Variants in RANBP2 observed in about 807,000 individuals in gnomAD.
The protein encoded by RANBP2 is E3 SUMO-protein ligase RanBP2.
Under a neutral mutation model 303.6 loss-of-function variants are expected in RANBP2, and 57 were observed. That is an observed-to-expected ratio of 0.19 (90% CI 0.15 to 0.23). The LOEUF is 0.23. RANBP2 is among the 10% of genes least tolerant of loss of function. The pLI is 1.00. For missense variants in RANBP2, 3,138 were observed against 3,780.8 expected (o/e 0.83, Z 4.46); for synonymous variants, 1,167 against 1,301.5 (o/e 0.90, Z 2.23).
chr2:109,101,085 G>T, the RANBP2 span, among the ~76,000 whole-genome samples: 4 of 152,186 alleles, frequency 2.6e-5, no homozygotes, highest in African/African-American at 9.6e-5. Context: ...AACTAGAGGT[G>T]AGTAGAAAGG....
chr2:109,373,745 A>G, the RANBP2 span, among the ~76,000 whole-genome samples: 1 of 152,194 alleles, frequency 6.6e-6, no homozygotes, highest in East Asian at 1.9e-4. Flanking sequence ...AATGGTGTCC[A>G]GTTAAGCTTT....
At chr2:109,063,424 T>A in the RANBP2 span, among the ~76,000 whole-genome samples, 1 of 152,188 alleles carries the variant, frequency 6.6e-6, no homozygotes, top group African/African-American at 2.4e-5. Flanking sequence ...GGCTTTGCTG[T>A]GGCCTTTCCT....
chr2:109,544,036 T>C, the RANBP2 span: 1 of 929,060 alleles, frequency 1.1e-6, no homozygotes, highest in South Asian at 1.6e-5. Context: ...TTTCCACTTG[T>C]GGGGTCAAGT....
the RANBP2 span, among the ~76,000 whole-genome samples, chr2:109,214,660 C>G: frequency 1.3e-5 from 2 of 152,262 alleles, no homozygotes; most frequent in East Asian, 3.9e-4. Context: ...GACACTCTTG[C>G]TGGCATCTGT....
At chr2:108,775,487 A>C (rs1677816312) in intron 23 of RANBP2, among the ~76,000 whole-genome samples, 2 of 152,078 alleles carry the variant, frequency 1.3e-5, no homozygotes, top group Non-Finnish European at 1.5e-5. Flanking sequence ...CCTCCAGATT[A>C]TCTCTCTGGT....
At chr2:109,001,116 A>G in the RANBP2 span, among the ~76,000 whole-genome samples, 1 of 152,220 alleles carries the variant, frequency 6.6e-6, no homozygotes, top group Non-Finnish European at 1.5e-5. Flanking sequence ...TCATTGCTAC[A>G]TGAGTGGCTC....
At chr2:109,288,417 G>C in the RANBP2 span, among the ~76,000 whole-genome samples, 1 of 152,306 alleles carries the variant, frequency 6.6e-6, no homozygotes, top group East Asian at 1.9e-4. Context: ...ATTTGAATGT[G>C]GATATGCCAG....
the RANBP2 span, among the ~76,000 whole-genome samples, chr2:109,467,857 G>A: frequency 2.6e-5 from 4 of 152,128 alleles, no homozygotes; most frequent in East Asian, 1.9e-4. Flanking sequence ...AGCACCCTCC[G>A]CCGTCATTCA....
chr2:109,439,415 C>A, the RANBP2 span, among the ~76,000 whole-genome samples: 1 of 152,166 alleles, frequency 6.6e-6, no homozygotes, highest in Non-Finnish European at 1.5e-5. Context: ...CCACTTCATT[C>A]TGCATTTAGA....
chr2:109,737,946 C>T, the RANBP2 span, among the ~76,000 whole-genome samples: 1 of 152,194 alleles, frequency 6.6e-6, no homozygotes, highest in African/African-American at 2.4e-5. Context: ...GTTTTATTTG[C>T]TGTTATTTGA....
At chr2:109,484,245 T>G in the RANBP2 span, among the ~76,000 whole-genome samples, 3 of 152,082 alleles carry the variant, frequency 2.0e-5, no homozygotes, top group Admixed American at 6.6e-5. Flanking sequence ...TCTCATATTT[T>G]TGGTAGAGAT....
At chr2:109,321,398 A>G in the RANBP2 span, among the ~76,000 whole-genome samples, 4 of 152,254 alleles carry the variant, frequency 2.6e-5, no homozygotes, top group Admixed American at 2.6e-4. Flanking sequence ...GAGCATTTGA[A>G]GTGGAAATTA....
chr2:109,562,754 G>C, the RANBP2 span, among the ~76,000 whole-genome samples: 3 of 152,104 alleles, frequency 2.0e-5, no homozygotes, highest in Non-Finnish European at 2.9e-5. Context: ...TGAGAAGTGA[G>C]TCTCCTCTGA....
chr2:109,330,291 T>C, the RANBP2 span, among the ~76,000 whole-genome samples: 4,182 of 152,300 alleles, frequency 0.027, 211 homozygotes, highest in East Asian at 0.2. Context: ...TTTCAGATGT[T>C]ATTGCGAAAC....
At chr2:109,193,003 A>T in the RANBP2 span, among the ~76,000 whole-genome samples, 3 of 152,248 alleles carry the variant, frequency 2.0e-5, no homozygotes, top group Admixed American at 6.5e-5. Flanking sequence ...GAAACCTGCA[A>T]GTTGGAAAAG....
the RANBP2 span, chr2:108,929,330 G>A: frequency 3.8e-5 from 62 of 1,614,020 alleles, no homozygotes; most frequent in Middle Eastern, 1.6e-4. Flanking sequence ...CTTCTCCGCC[G>A]GGCAGGGGAC....
the RANBP2 span, among the ~76,000 whole-genome samples, chr2:109,478,572 G>A: frequency 0.023 from 3,563 of 152,238 alleles, 127 homozygotes; most frequent in African/African-American, 0.081. Context: ...TGGATGTCTG[G>A]TATCCCTACA....
the RANBP2 span, chr2:109,614,393 C>G: frequency 2.1e-5 from 20 of 966,916 alleles, no homozygotes; most frequent in Admixed American, 4.5e-5. Context: ...CCGCTGAGCC[C>G]GCCAGACTCC....
the RANBP2 span, among the ~76,000 whole-genome samples, chr2:108,858,295 G>T: frequency 6.6e-6 from 1 of 152,194 alleles, no homozygotes; most frequent in African/African-American, 2.4e-5. Context: ...AGTGAGCCAA[G>T]ATTGTGCCAC....
Sources: gnomAD v4.1 joint callset for allele counts (sites outside exome capture counted in the v4.1 genomes callset) on GRCh38, gnomAD v4.1.1 for gene constraint, MANE v1.5 for transcripts, NCBI Gene and HGNC (gene_info 2026-07-23, HGNC 2026-07-21) for gene names.